Variants in IQGAP1 observed in about 807,000 individuals in gnomAD.
The protein encoded by IQGAP1 is ras GTPase-activating-like protein IQGAP1.
A neutral mutation model predicts 215.6 loss-of-function variants in IQGAP1; 66 were observed. The observed-to-expected ratio is 0.31, with a 90% CI of 0.25 to 0.38. The LOEUF (loss-of-function observed/expected upper bound fraction) is 0.38. Among genes scored for constraint, IQGAP1 ranks in the 10% least tolerant of loss-of-function variants. The probability of loss-of-function intolerance (pLI) is 1.00; values close to 1 mark genes in which losing one functional copy is unlikely to be tolerated. For missense variants in IQGAP1, 1,712 were observed against 1,997.1 expected, an observed-to-expected ratio of 0.86 and a Z score of 2.72; for synonymous variants, 772 against 728.7, an observed-to-expected ratio of 1.06 and a Z score of -0.96.
At chr15:90,448,817 C>A in intron 10 of IQGAP1, 81 bp downstream of exon 10, 1 of 1,211,000 alleles carries the variant, frequency 8.3e-7, no homozygotes, top group Non-Finnish European at 1.1e-6. Flanking sequence ...GATATATATG[C>A]TGCCTTTGTT....
chr15:90,414,430 G>A (rs1965014767), intron 2 of IQGAP1, among the ~76,000 whole-genome samples: 1 of 152,168 alleles, frequency 6.6e-6, no homozygotes, highest in Admixed American at 6.5e-5. Flanking sequence ...ATGGACTCCT[G>A]TGTCACCACT....
intron 2 of IQGAP1, among the ~76,000 whole-genome samples, chr15:90,421,966 A>AT (rs1262895608): frequency 4.6e-5 from 7 of 152,152 alleles, no homozygotes; most frequent in Non-Finnish European, 1.0e-4. Flanking sequence ...GGTTCTAAAT[A>AT]TTTAAGTTTT....
intron 15 of IQGAP1, among the ~76,000 whole-genome samples, chr15:90,461,755 A>T (rs2151027275): frequency 6.6e-6 from 1 of 152,020 alleles, no homozygotes; most frequent in Admixed American, 6.5e-5. Context: ...TGAACCCGGG[A>T]GTAGGAGGTT....
rs1365772796 is a variant in IQGAP1, at chr15:90,461,983, C to CAAA, written c.1777-4004_1777-4002dup. Among the ~76,000 whole-genome samples the CAAA allele has an allele frequency of 1.7e-4, 15 of 85,740 alleles. 1 individual carries two copies. The highest frequency in any genetic ancestry group is 1.4e-3 in the South Asian group (5 of 3,572). 56.2% of individuals were successfully genotyped at this position (85,740 alleles called of 152,430 possible). On this transcript the variant is annotated intron_variant, in intron 15 of 37. Coordinates refer to ENST00000268182, the MANE Select transcript of IQGAP1 (RefSeq NM_003870.4). ...TGAAACCCCATCTCTACTAAAAACA[C>CAAA]AAAAAAAAAAAAAAAAGAAAAAAAA...
chr15:90,457,403 T>G (rs1965699485), intron 15 of IQGAP1, among the ~76,000 whole-genome samples: 1 of 151,984 alleles, frequency 6.6e-6, no homozygotes, highest in Non-Finnish European at 1.5e-5. Flanking sequence ...TTTTGTTTGT[T>G]TTTTCAGACT....
In IQGAP1 at chr15:90,417,696, G is replaced by C. The variant is rs1477932915; in HGVS notation, c.156-8414G>C. Among the ~76,000 whole-genome samples the C allele has an allele frequency of 2.6e-5, 4 of 152,164 alleles. No individual in the cohort carries two copies. The East Asian group carries it at 7.7e-4, about 29-fold the overall frequency. On this transcript the variant is annotated intron_variant, in intron 2 of 37. Transcript: ENST00000268182. The stretch of plus-strand genomic sequence containing the variant: ...GCTTAGGATTGTCTTGGCAATGCGG[G>C]CTCTTTTTGGGTTCCATATGAACTT...
At chr15:90,478,640 G>A (rs1003048617) in intron 26 of IQGAP1, among the ~76,000 whole-genome samples, 4 of 152,182 alleles carry the variant, frequency 2.6e-5, no homozygotes, top group Admixed American at 2.6e-4. Flanking sequence ...ATTTAGCTGA[G>A]GCCCTAAAGC....
chr15:90,426,431 T>C (rs1965223561), intron 3 of IQGAP1, among the ~76,000 whole-genome samples, 165 bp downstream of exon 3: 2 of 152,206 alleles, frequency 1.3e-5, no homozygotes, highest in Non-Finnish European at 2.9e-5. Context: ...GCAAAGGCAA[T>C]ATGTACTAGG....
At position 90,481,269 on chromosome 15, in the gene IQGAP1, C is replaced by CTTT. The variant is rs57452745; in HGVS notation, c.3330-667_3330-665dup. Among the ~76,000 whole-genome samples, 6 of 113,180 alleles carry CTTT rather than the reference C, an allele frequency of 5.3e-5. 1 individual carries two copies. Among genetic ancestry groups the CTTT allele is most frequent in the Non-Finnish European group, 9.2e-5 (5 of 54,322 alleles). The allele number at this position is 113,180 out of a possible 152,430, so 74.3% of individuals were successfully genotyped here. A position where few individuals can be genotyped will look rare whatever the true frequency, so the allele number is the denominator to read the frequency against. ...GTGTGTACCAAAGCTCTCTCTGCCT[C>CTTT]TTTTTTTTTTTTTTTTTTTTTTTTT... On this transcript the variant is annotated intron_variant, in intron 26 of 37. Coordinates refer to ENST00000268182, the MANE Select transcript of IQGAP1 (RefSeq NM_003870.4).
Position 90,388,300 on chromosome 15 carries a change from A to G in IQGAP1, c.-42A>G, listed in dbSNP as rs1176033989. 10 of 1,597,386 alleles carry G rather than the reference A, an allele frequency of 6.3e-6. No homozygotes were observed. The highest frequency in any genetic ancestry group is 1.7e-4 in the Middle Eastern group (1 of 6,020). ...GTAGCTACCGCCGTCCGCGCCTCCA[A>G]GGTTTCACGGCTTCCTCAGCAGAGA... On this transcript the variant is annotated 5_prime_UTR_variant, in exon 1 of 38. Transcript: ENST00000268182.
intron 2 of IQGAP1, among the ~76,000 whole-genome samples, chr15:90,420,431 C>G (rs1419319830): frequency 1.3e-5 from 2 of 152,114 alleles, no homozygotes. Context: ...AGAATTGATG[C>G]CGGCTTAGCA....
chr15:90,455,273 T>G (rs956145295), intron 14 of IQGAP1, among the ~76,000 whole-genome samples: 2 of 152,166 alleles, frequency 1.3e-5, no homozygotes, highest in African/African-American at 2.4e-5. Flanking sequence ...AAACTCAATT[T>G]TCATTTGGCC....
chr15:90,451,737 G>A (rs971668867), intron 11 of IQGAP1, among the ~76,000 whole-genome samples: 17 of 151,448 alleles, frequency 1.1e-4, no homozygotes, highest in African/African-American at 3.7e-4. Context: ...CCTGATGTGT[G>A]TTCTTGGTGT....
rs756247114 is a variant in IQGAP1 at position 90,388,407 on chromosome 15, G to A, written c.55+11G>A. On this transcript the variant is annotated intron_variant, in intron 1 of 37. Transcript: ENST00000268182. The stretch of plus-strand genomic sequence containing the variant: ...GGCCGCACTATGGCTGTGAGTGCGG[G>A]GCTCCGCGGCGCGGGGGCTTCGGGC... 6.4e-7 allele frequency: 1 copy of A among 1,571,502 alleles called. No homozygotes were observed. The highest frequency in any genetic ancestry group is 1.8e-5 in the Admixed American group (1 of 55,790).
chr15:90,430,650 G>A (rs1168544621), intron 4 of IQGAP1, among the ~76,000 whole-genome samples: 2 of 152,052 alleles, frequency 1.3e-5, no homozygotes, highest in Non-Finnish European at 2.9e-5. Flanking sequence ...TAAAGTGAGT[G>A]TTCTTGGGAA....
At chr15:90,429,331 A>T (rs1423772451) in intron 3 of IQGAP1, among the ~76,000 whole-genome samples, 1 of 152,218 alleles carries the variant, frequency 6.6e-6, no homozygotes, top group African/African-American at 2.4e-5. Flanking sequence ...TAAGCCAGTA[A>T]TTGAATCCAA....
At chr15:90,436,242 T>C (rs529783362) in intron 5 of IQGAP1, among the ~76,000 whole-genome samples, 1 of 152,326 alleles carries the variant, frequency 6.6e-6, no homozygotes, top group East Asian at 1.9e-4. Flanking sequence ...CTCCTTAGTA[T>C]GATTATGTTT....
chr15:90,434,375 T>C (rs576645820), intron 5 of IQGAP1, among the ~76,000 whole-genome samples: 14 of 151,820 alleles, frequency 9.2e-5, no homozygotes, highest in Admixed American at 7.9e-4. Flanking sequence ...AAGGCAGAGG[T>C]TGCAGTGAGC....
intron 18 of IQGAP1, 23 bp downstream of exon 18, chr15:90,467,615 A>T (rs1965849506): frequency 1.3e-6 from 2 of 1,592,914 alleles, no homozygotes; most frequent in Non-Finnish European, 1.7e-6. Context: ...TCTTCACGTA[A>T]GAAGAAGCTG....
Sources: gnomAD v4.1 joint callset for allele counts (sites outside exome capture counted in the v4.1 genomes callset) on GRCh38, gnomAD v4.1.1 for gene constraint, MANE v1.5 for transcripts, NCBI Gene and HGNC (gene_info 2026-07-23, HGNC 2026-07-21) for gene names.